The following FLT1 variants were observed in gnomAD, a reference collection of about 807,000 sequenced individuals.
FLT1 encodes the protein vascular endothelial growth factor receptor 1.
FLT1 carries 49 observed loss-of-function variants against 156.3 expected under a neutral mutation model. The ratio of observed to expected loss-of-function variants is 0.31; its 90% CI spans 0.25 to 0.40. FLT1 has a LOEUF of 0.40. Ranked by LOEUF, FLT1 falls within the 10% of genes least tolerant of loss-of-function variation. FLT1 has a pLI of 1.00. For missense variants in FLT1, 1,322 were observed against 1,637.2 expected, an observed-to-expected ratio of 0.81 and a Z score of 3.32; for synonymous variants, 594 against 583.8, an observed-to-expected ratio of 1.02 and a Z score of -0.25.
intron 12 of FLT1, among the ~76,000 whole-genome samples, chr13:28,394,974 T>C (rs1447011451): frequency 6.6e-6 from 1 of 152,172 alleles, no homozygotes; most frequent in African/African-American, 2.4e-5. Context: ...AGAGCTTAGA[T>C]GTGTGGGCTG....
At position 28,405,764 on chromosome 13, in the gene FLT1, T is replaced by TTTTTACAAACA. The variant is rs1259429693; in HGVS notation, c.1551+5_1551+15dup. On this transcript the variant is annotated intron_variant, in intron 11 of 29. Coordinates refer to ENST00000282397, the MANE Select transcript of FLT1 (RefSeq NM_002019.4). ...TGTGGAATAAATATCCCAGTGCGCA[T>TTTTTACAAACA]TTTTACAAACAATACCTTATTCTTT... 1 of 1,391,326 alleles carries TTTTTACAAACA rather than the reference T, an allele frequency of 7.2e-7. No individual in the cohort carries two copies. Among genetic ancestry groups the TTTTTACAAACA allele is most frequent in the East Asian group, 2.3e-5 (1 of 43,842 alleles). 86.2% of individuals were successfully genotyped at this position (1,391,326 alleles called of 1,614,324 possible).
intron 15 of FLT1, among the ~76,000 whole-genome samples, chr13:28,355,112 A>G (rs994497213): frequency 1.3e-5 from 2 of 152,204 alleles, no homozygotes; most frequent in African/African-American, 4.8e-5. Context: ...CCTTGCAGAC[A>G]ACTTCCTAAG....
intron 19 of FLT1, among the ~76,000 whole-genome samples, chr13:28,329,255 T>C (rs1593684956): frequency 1.3e-5 from 2 of 152,202 alleles, no homozygotes; most frequent in Admixed American, 6.5e-5. Flanking sequence ...CCAGTAGTGA[T>C]TCATTCATTC....
Position 28,329,622 on chromosome 13 carries a change from C to T in FLT1, c.2700G>A (p.Lys900=), listed in dbSNP as rs1179711336. Residue 900 remains lysine (K), a synonymous_variant, in exon 19 of 30, where the codon AAG becomes AAA. Transcript: ENST00000282397. The part of the protein sequence containing the change: ...NVVNLLGACT[K]QGGPLMVIVE... ...CCTCCCCTTCTCCATTACCTCCTTGCTTGGTGCAGGCTCCCAGCAGGTTAA... is the reference window on the plus strand; with the variant it reads ...CCTCCCCTTCTCCATTACCTCCTTGTTTGGTGCAGGCTCCCAGCAGGTTAA... 10 of 1,612,792 alleles carry T rather than the reference C, an allele frequency of 6.2e-6. No individual in the cohort carries two copies. In the Admixed American group the frequency reaches 1.5e-4, roughly 24 times the overall value.
intron 14 of FLT1, chr13:28,368,571 A>G: frequency 6.6e-7 from 1 of 1,513,050 alleles, no homozygotes; most frequent in Non-Finnish European, 9.0e-7. Flanking sequence ...GATGATAATG[A>G]TGATAGCTAT....
intron 3 of FLT1, among the ~76,000 whole-genome samples, chr13:28,443,258 A>G (rs75363896): frequency 0.063 from 9,554 of 152,296 alleles, 342 homozygotes; most frequent in South Asian, 0.11. Flanking sequence ...ACACAGAGAA[A>G]GATCAAACAG....
intron 20 of FLT1, among the ~76,000 whole-genome samples, chr13:28,325,978 CT>C (rs956795429): frequency 1.3e-5 from 2 of 151,980 alleles, no homozygotes; most frequent in Non-Finnish European, 2.9e-5. Context: ...TCCAGTGGTT[CT>C]TATTTGTGTG....
At chr13:28,388,278 C>T (rs1215002784) in intron 13 of FLT1, 4 of 1,056,244 alleles carry the variant, frequency 3.8e-6, no homozygotes, top group Admixed American at 5.4e-5. Context: ...TACTCTTTCA[C>T]GTTTGACAAA....
chr13:28,307,450 A>C, intron 28 of FLT1, among the ~76,000 whole-genome samples: 1 of 152,144 alleles, frequency 6.6e-6, no homozygotes, highest in East Asian at 1.9e-4. Context: ...CCACTGATTT[A>C]GGGTGGGGAG....
chr13:28,474,665 G>A (rs2137641795), intron 1 of FLT1, among the ~76,000 whole-genome samples: 1 of 152,244 alleles, frequency 6.6e-6, no homozygotes, highest in South Asian at 2.1e-4. Context: ...GGCTTGCGGG[G>A]AGGGGATGGA....
rs1207084194 is a variant in FLT1, at chr13:28,430,244, G to A, written c.989-77C>T. 5 of 990,700 alleles carry A rather than the reference G, an allele frequency of 5.0e-6. No individual in the cohort carries two copies. The East Asian group carries it at 1.2e-4, about 24-fold the overall frequency. 61.4% of individuals were successfully genotyped at this position (990,700 alleles called of 1,614,324 possible). On this transcript the variant is annotated intron_variant, in intron 7 of 29. Coordinates refer to ENST00000282397, the MANE Select transcript of FLT1 (RefSeq NM_002019.4). ...AAAACCTTAGGGCCTCATTCAGGGA[G>A]GGTGTAATCAATGAGTAAATAAACA...
chr13:28,306,320 G>C (rs961908670), intron 29 of FLT1, among the ~76,000 whole-genome samples: 83 of 152,272 alleles, frequency 5.5e-4, no homozygotes, highest in African/African-American at 1.9e-3. Context: ...GAACCCTGCC[G>C]GCATAGGGAG....
rs548606652 is a variant in FLT1 at position 28,398,912 on chromosome 13, C to A, written c.1552-1844G>T. On this transcript the variant is annotated intron_variant, in intron 11 of 29. Transcript: ENST00000282397. ...GAAAGCGCATATGAAGGCAAATAAT[C>A]CATGGGAAAGTGTACGAAAGAGAGC... 2.1e-5 allele frequency: 14 copies of A among 665,260 alleles called. No homozygotes were observed. In the East Asian group the frequency reaches 3.9e-4, roughly 18 times the overall value. 41.2% of individuals were successfully genotyped at this position (665,260 alleles called of 1,614,324 possible).
At chr13:28,346,723 A>G (rs1450167965) in intron 15 of FLT1, among the ~76,000 whole-genome samples, 1 of 152,176 alleles carries the variant, frequency 6.6e-6, no homozygotes, top group Non-Finnish European at 1.5e-5. Context: ...AGAGAGAGGG[A>G]GAGAAAGAGA....
At chr13:28,442,010 A>AC (rs1250841541) in intron 3 of FLT1, among the ~76,000 whole-genome samples, 1 of 152,214 alleles carries the variant, frequency 6.6e-6, no homozygotes, top group Non-Finnish European at 1.5e-5. Context: ...CTATAATAGA[A>AC]TGAGACATTA....
Position 28,431,260 on chromosome 13 carries a change from A to C in FLT1, c.864T>G (p.His288Gln), listed in dbSNP as rs1404613629. The C allele has an allele frequency of 6.2e-7, 1 of 1,613,806 alleles. No individual in the cohort carries two copies. Among genetic ancestry groups the C allele is most frequent in the Non-Finnish European group, 8.5e-7 (1 of 1,179,800 alleles). Residue 288 changes from histidine (H) to glutamine (Q), a missense_variant, in exon 7 of 30, where the codon CAT becomes CAG. Physicochemically the swap from His to Gln is conservative, Grantham distance 24. Transcript: ENST00000282397. ...VRRRIDQSNS[H>Q]ANIFYSVLTI... ...TAAGAACACTGTAGAATATGTTGGC[A>C]TGGGAATTGCTTTGGTCAATTCGTC...
chr13:28,361,235 T>C (rs150972551), intron 14 of FLT1, among the ~76,000 whole-genome samples: 5,901 of 151,966 alleles, frequency 0.039, 300 homozygotes, highest in Admixed American at 0.15. Context: ...GCCAAGATGG[T>C]GCCCCTGCAC....
chr13:28,302,549 A>G lies in FLT1; in HGVS notation c.*618T>C, dbSNP rs571629578. The G allele has an allele frequency of 4.3e-6, 1 of 233,334 alleles. No homozygotes were observed. The highest frequency in any genetic ancestry group is 8.5e-6 in the Non-Finnish European group (1 of 118,104). 14.5% of individuals were successfully genotyped at this position (233,334 alleles called of 1,614,324 possible). On this transcript the variant is annotated 3_prime_UTR_variant, in exon 30 of 30. Transcript: ENST00000282397. ...CATCTGCTCCTGGCTGGGCCCTCAAATGTAGAAGGGTCAGAGCTGGGAAGC... is the reference window on the plus strand; with the variant it reads ...CATCTGCTCCTGGCTGGGCCCTCAAGTGTAGAAGGGTCAGAGCTGGGAAGC...
intron 14 of FLT1, among the ~76,000 whole-genome samples, chr13:28,371,129 T>A (rs564210333): frequency 6.6e-6 from 1 of 152,306 alleles, no homozygotes; most frequent in African/African-American, 2.4e-5. Context: ...AAATGACATA[T>A]GGTGTGACCT....
Sources: allele counts gnomAD v4.1 joint callset (sites outside exome capture counted in the v4.1 genomes callset), GRCh38; gene constraint gnomAD v4.1.1; transcripts MANE v1.5; gene names NCBI Gene and HGNC (gene_info 2026-07-23, HGNC 2026-07-21).